Variants in MTHFD2L observed in about 807,000 individuals in gnomAD.
MTHFD2L encodes the protein bifunctional methylenetetrahydrofolate dehydrogenase/cyclohydrolase 2, mitochondrial.
Under a neutral mutation model 34.9 loss-of-function variants are expected in MTHFD2L, and 29 were observed. The ratio of observed to expected loss-of-function variants is 0.83; its 90% confidence interval spans 0.62 to 1.13. The LOEUF is 1.13. Ranked by LOEUF, MTHFD2L falls within the 50% of genes most tolerant of loss-of-function variation. MTHFD2L has a pLI of 0.00. For synonymous variants in MTHFD2L, 167 were observed against 155.7 expected (o/e 1.07, Z -0.54); for missense variants, 481 against 446.5 (o/e 1.08, Z -0.70).
intron 6 of MTHFD2L, among the ~76,000 whole-genome samples, chr4:74,275,659 T>A (rs1252640094): frequency 6.6e-6 from 1 of 152,156 alleles, no homozygotes; most frequent in Non-Finnish European, 1.5e-5. Context: ...AGATGGTATC[T>A]CATTCTGCTT....
At position 74,251,136 on chromosome 4, in the gene MTHFD2L, A is replaced by C. The variant is rs1743248853; in HGVS notation, c.805+25742A>C. Among the ~76,000 whole-genome samples, 5 of 152,314 alleles carry C rather than the reference A, an allele frequency of 3.3e-5. 1 individual carries two copies. The highest frequency in any genetic ancestry group is 3.3e-4 in the Admixed American group (5 of 15,306). ...ATGAACTCAGACTCATCTCTCCTCT[A>C]ACAATAAATAGTATGCTGGGTTAAG... On this transcript the variant is annotated intron_variant, in intron 6 of 7. Transcript: ENST00000325278.
intron 5 of MTHFD2L, among the ~76,000 whole-genome samples, chr4:74,215,308 C>G (rs1307189515): frequency 6.6e-6 from 1 of 151,836 alleles, no homozygotes; most frequent in Non-Finnish European, 1.5e-5. Flanking sequence ...GTGCTTGAAA[C>G]CCAGGGCCCT....
chr4:74,239,993 A>G (rs1741462220), intron 6 of MTHFD2L, among the ~76,000 whole-genome samples: 1 of 152,192 alleles, frequency 6.6e-6, no homozygotes, highest in African/African-American at 2.4e-5. Flanking sequence ...GTGGTGCACC[A>G]TATCAAAAGG....
chr4:74,262,612 CAT>C (rs777155122), intron 6 of MTHFD2L, among the ~76,000 whole-genome samples: 13 of 151,810 alleles, frequency 8.6e-5, no homozygotes, highest in Non-Finnish European at 1.8e-4. Context: ...GGCTAATACA[CAT>C]GTAAAAATTG....
At chr4:74,192,143 TAAAC>T (rs1396054130) in intron 3 of MTHFD2L, among the ~76,000 whole-genome samples, 2 of 152,036 alleles carry the variant, frequency 1.3e-5, no homozygotes, top group African/African-American at 2.4e-5. Context: ...ATATAATAAA[TAAAC>T]AAATATATTT....
At chr4:74,153,149 T>C (rs372566752), upstream of MTHFD2L, among the ~76,000 whole-genome samples, 8 of 152,368 alleles carry the variant, frequency 5.3e-5, no homozygotes, top group East Asian at 9.6e-4. Flanking sequence ...GCTATGCATC[T>C]GTCTGTCATT....
At chr4:74,148,514 A>G (rs1013921524) in intron 1 of MTHFD2L, among the ~76,000 whole-genome samples, 5 of 151,886 alleles carry the variant, frequency 3.3e-5, no homozygotes, top group Admixed American at 1.3e-4. Context: ...CAGTCTCCCC[A>G]GTAGCTGAGA....
In MTHFD2L at chr4:74,170,626, A is replaced by T. The variant is rs143361039; in HGVS notation, c.144-3880A>T. Among the ~76,000 whole-genome samples, 272 of 152,310 alleles carry T rather than the reference A, an allele frequency of 1.8e-3. 1 individual carries two copies. Among genetic ancestry groups the T allele is most frequent in the African/African-American group, 5.5e-3 (230 of 41,576 alleles). Reference sequence around the variant, plus strand: ...TAAAATTAAGAACTGTTCTAAAAACATGAGAATAAAAAGGCAAAGCACAGA... The same window carrying T: ...TAAAATTAAGAACTGTTCTAAAAACTTGAGAATAAAAAGGCAAAGCACAGA... On this transcript the variant is annotated intron_variant, in intron 1 of 7. Transcript: ENST00000325278.
upstream of MTHFD2L, among the ~76,000 whole-genome samples, chr4:74,155,218 T>A (rs1027750250): frequency 2.6e-5 from 4 of 152,306 alleles, no homozygotes; most frequent in South Asian, 8.3e-4. Context: ...CCCGTGAGAT[T>A]GTTTCATATA....
At chr4:74,298,020 A>C (rs144421077) in intron 7 of MTHFD2L, among the ~76,000 whole-genome samples, 12 of 152,172 alleles carry the variant, frequency 7.9e-5, no homozygotes, top group African/African-American at 2.9e-4. Context: ...AGATAAGCTT[A>C]TTATTTCCTT....
chr4:74,225,227 C>A, intron 5 of MTHFD2L, 75 bp from the exon 6 acceptor site: 1 of 1,101,182 alleles, frequency 9.1e-7, no homozygotes, highest in Non-Finnish European at 1.3e-6. Flanking sequence ...ATAAGTGAAA[C>A]TCTTCTGGAT....
Position 74,171,930 on chromosome 4 carries a change from G to A in MTHFD2L, c.144-2576G>A, listed in dbSNP as rs1358784830. 2.3e-4 allele frequency among the ~76,000 whole-genome samples: 11 copies of A among 47,506 alleles called. No homozygotes were observed. The Admixed American group carries it at 3.4e-3, about 15-fold the overall frequency. The allele number at this position is 47,506 out of a possible 152,430, so 31.2% of individuals were successfully genotyped here. A position where few individuals can be genotyped will look rare whatever the true frequency, so the allele number is the denominator to read the frequency against. ...ACCCGAATATCCATTAATTACAATC[G>A]AATGGATAAACAAATATTGGTATAT... On this transcript the variant is annotated intron_variant, in intron 1 of 7. Transcript: ENST00000325278.
At chr4:74,288,144 G>A (rs948268924) in intron 7 of MTHFD2L, among the ~76,000 whole-genome samples, 1 of 152,090 alleles carries the variant, frequency 6.6e-6, no homozygotes, top group African/African-American at 2.4e-5. Context: ...TAAAGACTTT[G>A]TCTCCTGAAA....
At position 74,174,496 on chromosome 4, in the gene MTHFD2L, C is replaced by A; in HGVS notation, c.144-10C>A. 1 of 1,441,958 alleles carries A rather than the reference C, an allele frequency of 6.9e-7. No homozygotes were observed. The highest frequency in any genetic ancestry group is 1.6e-5 in the South Asian group (1 of 62,472). 89.3% of individuals were successfully genotyped at this position (1,441,958 alleles called of 1,614,324 possible). ...TTTCTTTTTAGTATTTATTGTTTTG[C>A]TTTCCACAGACATGAAGCCATTATT... On this transcript the variant is annotated splice_polypyrimidine_tract_variant and intron_variant, in intron 1 of 7. Coordinates refer to ENST00000325278, the MANE Select transcript of MTHFD2L (RefSeq NM_001144978.3).
At chr4:74,157,185 T>A (rs528966207), upstream of MTHFD2L, 1 of 158,816 alleles carries the variant, frequency 6.3e-6, no homozygotes, top group East Asian at 1.8e-4. Context: ...CAGGAAAGAG[T>A]AGGGTATCCC....
chr4:74,286,662 C>A (rs894885350), intron 7 of MTHFD2L, among the ~76,000 whole-genome samples: 1 of 152,138 alleles, frequency 6.6e-6, no homozygotes, highest in Non-Finnish European at 1.5e-5. Context: ...TGGGTGAATT[C>A]TTGGGCCTCA....
chr4:74,134,719 A>T (rs1041163215), intron 1 of MTHFD2L, among the ~76,000 whole-genome samples: 1 of 152,182 alleles, frequency 6.6e-6, no homozygotes. Context: ...TATCTCTAAG[A>T]TAACACAGAA....
chr4:74,279,778 A>G (rs1176155897), intron 6 of MTHFD2L, among the ~76,000 whole-genome samples: 6 of 152,134 alleles, frequency 3.9e-5, no homozygotes, highest in Admixed American at 1.3e-4. Context: ...CATAGTACCT[A>G]TGTCAGAACC....
chr4:74,262,894 CTG>C (rs1217468222), intron 6 of MTHFD2L, among the ~76,000 whole-genome samples: 1 of 151,886 alleles, frequency 6.6e-6, no homozygotes, highest in Non-Finnish European at 1.5e-5. Flanking sequence ...AATACCTGAC[CTG>C]TATATTCAGA....
Sources: gnomAD v4.1 joint callset for allele counts (sites outside exome capture counted in the v4.1 genomes callset) on GRCh38, gnomAD v4.1.1 for gene constraint, MANE v1.5 for transcripts, NCBI Gene and HGNC (gene_info 2026-07-23, HGNC 2026-07-21) for gene names.